Variants in ASB12 observed in about 807,000 individuals in gnomAD.
ASB12 encodes the protein ankyrin repeat and SOCS box containing 12, also known as ankyrin repeat and SOCS box protein 12.
In ASB12, 17 loss-of-function variants were observed where a neutral mutation model predicts 13.7. The observed-to-expected ratio is 1.24, with a 90% CI of 0.85 to 1.86. The LOEUF (loss-of-function observed/expected upper bound fraction) is 1.86, where lower values mean the gene tolerates loss of function less well. ASB12 is among the 40% of genes most tolerant of loss of function. The probability of loss-of-function intolerance (pLI) is 0.00; values close to 1 mark genes in which losing one functional copy is unlikely to be tolerated. For synonymous variants in ASB12, 107 were observed against 99.8 expected (o/e 1.07, Z -0.43); for missense variants, 329 against 250.5 (o/e 1.31, Z -2.11).
intron 2 of ASB12, 60 bp downstream of exon 2, chrX:64,224,768 T>C: frequency 8.9e-7 from 1 of 1,128,670 alleles, no homozygotes; most frequent in Non-Finnish European, 1.2e-6. Context: ...TTATACGTGA[T>C]TTAGAGCCCT....
intron 1 of ASB12, among the ~76,000 whole-genome samples, chrX:64,229,325 C>T (rs1460600660): frequency 8.9e-6 from 1 of 111,742 alleles, no homozygotes; most frequent in Non-Finnish European, 1.9e-5. Context: ...ATATAATGAG[C>T]CTCCAGAGGG....
rs1004924827 is a variant in ASB12, at chrX:64,225,730, T to C, written c.-24-56A>G. The C allele has an allele frequency of 3.7e-6, 4 of 1,087,449 alleles. No homozygotes were observed. The Admixed American group carries it at 1.2e-4, about 33-fold the overall frequency. 89.6% of individuals were successfully genotyped at this position (1,087,449 alleles called of 1,213,427 possible). ...AGGGTACCCATCAAAAGCCTGACCA[T>C]GCACGCTCCTTGAAATCTCCCTCCA... On this transcript the variant is annotated intron_variant, in intron 1 of 2. Coordinates refer to ENST00000362002, the MANE Select transcript of ASB12 (RefSeq NM_130388.4).
In ASB12 at chrX:64,224,328, T is replaced by A; in HGVS notation, c.*7A>T. 8.3e-7 allele frequency: 1 copy of A among 1,210,481 alleles called. No homozygotes were observed. The highest frequency in any genetic ancestry group is 1.1e-6 in the Non-Finnish European group (1 of 894,598). On this transcript the variant is annotated 3_prime_UTR_variant, in exon 3 of 3. Coordinates refer to ENST00000362002, the MANE Select transcript of ASB12 (RefSeq NM_130388.4). The stretch of plus-strand genomic sequence containing the variant: ...AGGCATCATAAGTTCCTGGGGAGAC[T>A]GCAAGATTACAGTTGGTGTTTTAGG...
rs775524239 is a variant in ASB12, at chrX:64,230,167, A to C, written c.-25+296T>G. 9.0e-5 allele frequency among the ~76,000 whole-genome samples: 10 copies of C among 111,461 alleles called. No homozygotes were observed. The East Asian group carries it at 2.8e-3, about 32-fold the overall frequency. On this transcript the variant is annotated intron_variant, in intron 1 of 2. Coordinates refer to ENST00000362002, the MANE Select transcript of ASB12 (RefSeq NM_130388.4). The stretch of plus-strand genomic sequence containing the variant: ...CAACACCACACAGGGACACAAAGAC[A>C]AATCTCCACACTTCCTGTAGTGTAT...
rs199530232 is a variant in ASB12 at position 64,224,305 on chromosome X, G to A, written c.*30C>T. ...GTGAGTCCCCAGGTGGTTTTCGGAGGCATCATAAGTTCCTGGGGAGACTGC... is the reference window on the plus strand; with the variant it reads ...GTGAGTCCCCAGGTGGTTTTCGGAGACATCATAAGTTCCTGGGGAGACTGC... On this transcript the variant is annotated 3_prime_UTR_variant, in exon 3 of 3. Coordinates refer to ENST00000362002, the MANE Select transcript of ASB12 (RefSeq NM_130388.4). 54 of 1,203,133 alleles carry A rather than the reference G, an allele frequency of 4.5e-5. No homozygotes were observed. The Middle Eastern group carries it at 6.9e-4, about 15-fold the overall frequency.
At chrX:64,229,486 G>A (rs764438228) in intron 1 of ASB12, among the ~76,000 whole-genome samples, 16 of 112,123 alleles carry the variant, frequency 1.4e-4, no homozygotes, top group South Asian at 3.7e-4. Context: ...TTATGTGCAC[G>A]TAGCTCCTTC....
intron 1 of ASB12, among the ~76,000 whole-genome samples, chrX:64,230,085 G>A (rs1046341821): frequency 2.8e-4 from 31 of 110,202 alleles, no homozygotes; most frequent in Admixed American, 2.5e-3. Flanking sequence ...TCACCCTTAC[G>A]AGTTCTGCCC....
At position 64,224,966 on chromosome X, in the gene ASB12, T is replaced by A; in HGVS notation, c.685A>T (p.Ile229Phe). The change falls in exon 2 of 3, where the codon ATC becomes TTC. Residue 229 changes from isoleucine (I) to phenylalanine (F), a missense_variant. Physicochemically the swap from Ile to Phe is conservative, Grantham distance 21. Transcript: ENST00000362002. Reference protein sequence around the residue: ...RVPRPRTLLEICLHHNCEPEY... With the variant: ...RVPRPRTLLEFCLHHNCEPEY... ...GGCTCACAATTATGATGGAGGCAGATTTCAAGGAGGGTGCGGGGTCTTGGG... is the reference window on the plus strand; with the variant it reads ...GGCTCACAATTATGATGGAGGCAGAATTCAAGGAGGGTGCGGGGTCTTGGG... The A allele has an allele frequency of 8.3e-7, 1 of 1,211,570 alleles. No homozygotes were observed. The highest frequency in any genetic ancestry group is 1.1e-6 in the Non-Finnish European group (1 of 895,387).
chrX:64,229,304 C>T (rs1041135452), intron 1 of ASB12, among the ~76,000 whole-genome samples: 4 of 111,967 alleles, frequency 3.6e-5, no homozygotes, highest in African/African-American at 1.3e-4. Flanking sequence ...CAAGAGCCCA[C>T]AGCAGAGCTC....
intron 1 of ASB12, among the ~76,000 whole-genome samples, chrX:64,229,502 C>A (rs1406254376): frequency 8.9e-6 from 1 of 112,060 alleles, no homozygotes; most frequent in East Asian, 2.8e-4. Context: ...CCTTCCTGAT[C>A]CTAAAGATGT....
Position 64,224,368 on chromosome X carries a change from G to A in ASB12, c.924C>T (p.Pro308=). 8.3e-7 allele frequency: 1 copy of A among 1,211,014 alleles called. No homozygotes were observed. Among genetic ancestry groups the A allele is most frequent in the Admixed American group, 2.2e-5 (1 of 46,012 alleles). The change falls in exon 3 of 3, where the codon CCC becomes CCT. Residue 308 remains proline, a synonymous_variant. Transcript: ENST00000362002. ...PQAINQLDIP[P]MLISYLKHQL ...GGTGTTTTAGGTAGCTAATCAACAT[G>A]GGAGGAATATCCAGCTGGTTGATGG...
intron 1 of ASB12, among the ~76,000 whole-genome samples, chrX:64,228,700 T>C (rs1390995579): frequency 8.9e-6 from 1 of 111,839 alleles, no homozygotes; most frequent in Non-Finnish European, 1.9e-5. Flanking sequence ...CTTAATGTTC[T>C]AGAACCTCAG....
intron 1 of ASB12, among the ~76,000 whole-genome samples, chrX:64,227,480 C>T (rs1463725440): frequency 9.0e-6 from 1 of 111,413 alleles, no homozygotes; most frequent in Non-Finnish European, 1.9e-5. Context: ...TCTTCCCTGA[C>T]TTTTCTGGAA....
rs1930878496 is a variant in ASB12 at position 64,224,222 on chromosome X, G to C, written c.*113C>G. ...TTTTCTGGAGAATTTTATTGTGGAG[G>C]ATAATACAGGAGAGCAGCTCCAGGT... On this transcript the variant is annotated 3_prime_UTR_variant, in exon 3 of 3. Transcript: ENST00000362002. 2.3e-6 allele frequency: 2 copies of C among 862,480 alleles called. No individual in the cohort carries two copies. The highest frequency in any genetic ancestry group is 3.3e-6 in the Non-Finnish European group (2 of 600,404). 71.1% of individuals were successfully genotyped at this position (862,480 alleles called of 1,213,427 possible).
At position 64,225,171 on chromosome X, in the gene ASB12, G is replaced by C; in HGVS notation, c.480C>G (p.Asp160Glu). ...GAVAILQELL[D>E]HGAEANVKAK... ...CTTTGACGTTGGCCTCTGCACCATG[G>C]TCTAGGAGCTCCTGCAGGATAGCAA... Residue 160 changes from aspartate to glutamate, a missense_variant, in exon 2 of 3, where the codon GAC (aspartate) becomes GAG (glutamate). Physicochemically the swap from Asp to Glu is conservative, Grantham distance 45. Coordinates refer to ENST00000362002, the MANE Select transcript of ASB12 (RefSeq NM_130388.4). 8.3e-7 allele frequency: 1 copy of C among 1,211,629 alleles called. No individual in the cohort carries two copies. Among genetic ancestry groups the C allele is most frequent in the Non-Finnish European group, 1.1e-6 (1 of 895,464 alleles).
chrX:64,226,982 A>C (rs1166413697), intron 1 of ASB12, among the ~76,000 whole-genome samples: 5 of 110,632 alleles, frequency 4.5e-5, no homozygotes, highest in Non-Finnish European at 7.6e-5. Flanking sequence ...CATCAGCTCC[A>C]TATATGGTGT....
Position 64,224,766 on chromosome X carries a change from G to T in ASB12, c.823+62C>A, listed in dbSNP as rs41298490. 3.0e-3 allele frequency: 3,414 copies of T among 1,122,736 alleles called. 3 individuals are homozygous for T. Among genetic ancestry groups the T allele is most frequent in the Middle Eastern group, 0.012 (38 of 3,065 alleles). The allele number at this position is 1,122,736 out of a possible 1,213,427, so 92.5% of individuals were successfully genotyped here. ...CACCTCAGAGGATTGGCTTATACGT[G>T]ATTTAGAGCCCTGGGACCTCCAAGC... is the stretch of plus-strand genomic sequence containing the variant. On this transcript the variant is annotated intron_variant, in intron 2 of 2. Transcript: ENST00000362002.
chrX:64,227,412 A>G (rs1034268151), intron 1 of ASB12, among the ~76,000 whole-genome samples: 1 of 111,576 alleles, frequency 9.0e-6, no homozygotes, highest in African/African-American at 3.3e-5. Context: ...ATACACCAAG[A>G]AAGCTCTTCA....
Position 64,230,554 on chromosome X carries a change from C to T in ASB12, c.-116G>A, listed in dbSNP as rs1160255221. ...CCCTGGTGTCCCCTCCTTAGGGAGCCCCCACGGCCCCAACCTGGAGCAGCT... is the reference window on the plus strand; with the variant it reads ...CCCTGGTGTCCCCTCCTTAGGGAGCTCCCACGGCCCCAACCTGGAGCAGCT... On this transcript the variant is annotated 5_prime_UTR_variant, in exon 1 of 3. Transcript: ENST00000362002. 8.9e-6 allele frequency: 1 copy of T among 111,862 alleles called. No homozygotes were observed. Among genetic ancestry groups the T allele is most frequent in the Non-Finnish European group, 1.9e-5 (1 of 53,074 alleles). 9.2% of individuals were successfully genotyped at this position (111,862 alleles called of 1,213,427 possible). A position where few individuals can be genotyped will look rare whatever the true frequency, so the allele number is the denominator to read the frequency against.
Sources: allele counts gnomAD v4.1 joint callset (sites outside exome capture counted in the v4.1 genomes callset), GRCh38; gene constraint gnomAD v4.1.1; transcripts MANE v1.5; gene names NCBI Gene and HGNC (gene_info 2026-07-23, HGNC 2026-07-21).